Variants in PPP2R2B observed in about 807,000 individuals in gnomAD.
PPP2R2B encodes the protein serine/threonine-protein phosphatase 2A 55 kDa regulatory subunit B beta isoform.
PPP2R2B carries 5 observed loss-of-function variants against 46.0 expected under a neutral mutation model. That is an observed-to-expected ratio of 0.11 (90% CI 0.06 to 0.23). The LOEUF (loss-of-function observed/expected upper bound fraction) is 0.23, where lower values mean the gene tolerates loss of function less well. PPP2R2B is among the 10% of genes least tolerant of loss of function. The pLI, the probability that PPP2R2B is intolerant of heterozygous loss-of-function variation, is 1.00. For synonymous variants in PPP2R2B, 215 were observed against 206.7 expected (o/e 1.04, Z -0.34); for missense variants, 367 against 575.0 (o/e 0.64, Z 3.70).
At chr5:146,870,444 G>A (rs1761549925) in intron 2 of PPP2R2B, among the ~76,000 whole-genome samples, 1 of 152,142 alleles carries the variant, frequency 6.6e-6, no homozygotes, top group Non-Finnish European at 1.5e-5. Flanking sequence ...GGCCATATGA[G>A]GACCCAGCAA....
rs188986478 is a variant in PPP2R2B at position 146,685,282 on chromosome 5, C to T, written c.447+5846G>A. On this transcript the variant is annotated intron_variant, in intron 5 of 9. Transcript: ENST00000394411. ...GCTTTGCTGTTTACTATTTGCAAGGCCTTAAGCCAGTACTTACCTTTCTGA... is the reference window on the plus strand; with the variant it reads ...GCTTTGCTGTTTACTATTTGCAAGGTCTTAAGCCAGTACTTACCTTTCTGA... Among the ~76,000 whole-genome samples the T allele has an allele frequency of 2.6e-5, 4 of 152,302 alleles. No homozygotes were observed. The East Asian group carries it at 7.7e-4, about 29-fold the overall frequency.
intron 1 of PPP2R2B, among the ~76,000 whole-genome samples, chr5:146,888,320 C>T (rs537577517): frequency 6.6e-6 from 1 of 152,106 alleles, no homozygotes; most frequent in African/African-American, 2.4e-5. Flanking sequence ...CAATACCCTG[C>T]CCCACCCTCC....
chr5:146,638,088 G>A (rs1774941534), intron 7 of PPP2R2B, among the ~76,000 whole-genome samples, 163 bp downstream of exon 7: 1 of 152,190 alleles, frequency 6.6e-6, no homozygotes, highest in Admixed American at 6.5e-5. Context: ...GAACACAAAT[G>A]TTCATCTTTA....
At chr5:146,685,884 C>G (rs117959071) in intron 5 of PPP2R2B, among the ~76,000 whole-genome samples, 3 of 152,280 alleles carry the variant, frequency 2.0e-5, no homozygotes, top group Non-Finnish European at 2.9e-5. Context: ...CCTCACCCCC[C>G]GCCTTCCACC....
At chr5:146,706,630 C>T (rs1779875550) in intron 2 of PPP2R2B, 1 of 810,336 alleles carries the variant, frequency 1.2e-6, no homozygotes, top group South Asian at 1.3e-5. Flanking sequence ...GCGATGCCGG[C>T]CTCCAGGGAA....
chr5:146,933,653 C>T (rs78443050), intron 1 of PPP2R2B, among the ~76,000 whole-genome samples: 8,547 of 151,424 alleles, frequency 0.056, 423 homozygotes, highest in African/African-American at 0.13. Context: ...TCGTGACAAA[C>T]GGAAGTTCTT....
chr5:146,687,714 G>A (rs551169430), intron 5 of PPP2R2B, among the ~76,000 whole-genome samples: 2 of 152,250 alleles, frequency 1.3e-5, no homozygotes, highest in East Asian at 3.9e-4. Context: ...GGCTCTTTTG[G>A]TAATGAGATT....
rs139671100 is a variant in PPP2R2B at position 146,836,625 on chromosome 5, C to T, written c.70+41377G>A. 3.9e-3 allele frequency among the ~76,000 whole-genome samples: 590 copies of T among 152,306 alleles called. 3 individuals carry two copies. Among genetic ancestry groups the T allele is most frequent in the African/African-American group, 0.014 (562 of 41,560 alleles). On this transcript the variant is annotated intron_variant, in intron 2 of 9. Coordinates refer to ENST00000394411, the MANE Select transcript of PPP2R2B (RefSeq NM_181675.4). ...GAGACTTTGAGGTTCTGTGGCTTTG[C>T]CTAATGAATAACCTGGTCTCTGTCA...
At chr5:146,782,060 C>T (rs115890108) in intron 2 of PPP2R2B, among the ~76,000 whole-genome samples, 258 of 152,236 alleles carry the variant, frequency 1.7e-3, no homozygotes, top group African/African-American at 5.8e-3. Flanking sequence ...GCACCTCCCC[C>T]ACCCATGCTC....
rs11750446 is a variant in PPP2R2B, at chr5:146,845,305, C to T, written c.70+32697G>A. On this transcript the variant is annotated intron_variant, in intron 2 of 9. Transcript: ENST00000394411. Reference sequence around the variant, plus strand: ...TGACTATTTCTTTTCTTTTCCTTTTCTTTTTTTTGTTTTTTTTTGAGATGG... The same window carrying T: ...TGACTATTTCTTTTCTTTTCCTTTTTTTTTTTTTGTTTTTTTTTGAGATGG... 6.2e-4 allele frequency among the ~76,000 whole-genome samples: 46 copies of T among 74,092 alleles called. 1 individual carries two copies. Among genetic ancestry groups the T allele is most frequent in the Admixed American group, 2.8e-3 (20 of 7,046 alleles). 48.6% of individuals were successfully genotyped at this position (74,092 alleles called of 152,430 possible). A position where few individuals can be genotyped will look rare whatever the true frequency, so the allele number is the denominator to read the frequency against.
intron 2 of PPP2R2B, among the ~76,000 whole-genome samples, chr5:146,835,984 T>C (rs1270908866): frequency 6.6e-6 from 1 of 152,190 alleles, no homozygotes; most frequent in African/African-American, 2.4e-5. Flanking sequence ...GTTCCATTAT[T>C]TGTAAGAAGG....
At chr5:146,944,335 C>G (rs1364766660) in intron 1 of PPP2R2B, among the ~76,000 whole-genome samples, 2 of 152,172 alleles carry the variant, frequency 1.3e-5, no homozygotes, top group East Asian at 1.9e-4. Flanking sequence ...AAGAGATTTT[C>G]AAGCTTTAGA....
Position 146,902,197 on chromosome 5 carries a change from C to T in PPP2R2B, c.79+153468G>A, listed in dbSNP as rs975221500. Among the ~76,000 whole-genome samples the T allele has an allele frequency of 8.5e-5, 13 of 152,194 alleles. No homozygotes were observed. The South Asian group carries it at 2.1e-3, about 24-fold the overall frequency. On this transcript the variant is annotated intron_variant, in intron 1 of 8. Transcript: ENST00000336640. The stretch of plus-strand genomic sequence containing the variant: ...CATTTCTTTCTATTCCTCTCCTCTC[C>T]CCATTCCTTTTCCAAATATTTATTG...
chr5:147,027,877 T>C (rs1294450059), intron 1 of PPP2R2B, among the ~76,000 whole-genome samples: 1 of 152,296 alleles, frequency 6.6e-6, no homozygotes. Context: ...CTTTCAATTA[T>C]TGGTGCTTAA....
At chr5:147,048,101 C>T (rs1051631615) in intron 1 of PPP2R2B, among the ~76,000 whole-genome samples, 14 of 152,160 alleles carry the variant, frequency 9.2e-5, no homozygotes, top group Middle Eastern at 3.2e-3. Context: ...GTGATTCTCA[C>T]GCATAGCCAG....
intron 1 of PPP2R2B, among the ~76,000 whole-genome samples, chr5:146,912,036 G>A (rs943444264): frequency 3.3e-5 from 5 of 151,998 alleles, no homozygotes; most frequent in African/African-American, 4.8e-5. Context: ...TCAGGAGTTC[G>A]CGACCAGCCT....
chr5:146,613,853 A>T (rs1772869652), intron 7 of PPP2R2B, among the ~76,000 whole-genome samples: 1 of 141,664 alleles, frequency 7.1e-6, no homozygotes, highest in African/African-American at 2.9e-5. Context: ...ATAAAAGAGG[A>T]CACAAACAAA....
intron 1 of PPP2R2B, among the ~76,000 whole-genome samples, chr5:146,923,575 G>A (rs1293436844): frequency 6.6e-6 from 1 of 152,110 alleles, no homozygotes; most frequent in Non-Finnish European, 1.5e-5. Context: ...AGCCCTTCTT[G>A]GGTTTCACAA....
At chr5:146,877,716 TG>T (rs1157868685) in intron 2 of PPP2R2B, among the ~76,000 whole-genome samples, 3 of 152,108 alleles carry the variant, frequency 2.0e-5, no homozygotes, top group Non-Finnish European at 4.4e-5. Flanking sequence ...TCTGCCTTCC[TG>T]GGGTCATCTT....
Sources: allele counts gnomAD v4.1 joint callset (sites outside exome capture counted in the v4.1 genomes callset), GRCh38; gene constraint gnomAD v4.1.1; transcripts MANE v1.5; gene names NCBI Gene and HGNC (gene_info 2026-07-23, HGNC 2026-07-21).